DTL: variants seen among roughly 807,000 people sequenced by gnomAD.
The protein encoded by DTL is denticleless protein homolog.
A neutral mutation model predicts 87.0 loss-of-function variants in DTL; 46 were observed. That is an observed-to-expected ratio of 0.53 (90% CI 0.42 to 0.68). DTL has a LOEUF of 0.68. Among genes scored for constraint, DTL ranks in the 30% least tolerant of loss-of-function variants. The pLI is 0.00. For synonymous variants in DTL, 308 were observed against 311.2 expected (o/e 0.99, Z 0.11); for missense variants, 737 against 869.4 (o/e 0.85, Z 1.91).
At chr1:212,049,880 CT>C (rs78685898) in intron 5 of DTL, among the ~76,000 whole-genome samples, 14,952 of 146,240 alleles carry the variant, frequency 0.1, 1,098 homozygotes, top group African/African-American at 0.21. Flanking sequence ...AATATGAATA[CT>C]TTTTTTTTTT....
At chr1:212,047,749 T>G (rs1207941104) in intron 5 of DTL, among the ~76,000 whole-genome samples, 2 of 152,202 alleles carry the variant, frequency 1.3e-5, no homozygotes, top group Non-Finnish European at 2.9e-5. Context: ...TTGGCCAGGC[T>G]GGTCTAGAAC....
intron 14 of DTL, among the ~76,000 whole-genome samples, chr1:212,101,423 G>C (rs898258952): frequency 1.1e-4 from 16 of 152,058 alleles, no homozygotes; most frequent in Admixed American, 1.0e-3. Context: ...CCTTCATCAT[G>C]CTCCAGGATA....
intron 10 of DTL, 148 bp downstream of exon 10, chr1:212,068,851 A>T: frequency 1.8e-6 from 1 of 557,910 alleles, no homozygotes; most frequent in Admixed American, 3.4e-5. Context: ...TGATAATTTC[A>T]TAAGTGTACA....
At chr1:212,043,232 A>G (rs1667707248) in intron 2 of DTL, 114 bp downstream of exon 2, 1 of 1,105,774 alleles carries the variant, frequency 9.0e-7, no homozygotes, top group Non-Finnish European at 1.3e-6. Context: ...GGTGGATGTT[A>G]GAGTTTTTGT....
chr1:212,096,591 A>G (rs1470358568), intron 13 of DTL, among the ~76,000 whole-genome samples: 1 of 152,152 alleles, frequency 6.6e-6, no homozygotes, highest in Admixed American at 6.5e-5. Context: ...CATTCAGTTC[A>G]AAGAATTTTT....
At chr1:212,062,159 A>G (rs890148753) in intron 5 of DTL, among the ~76,000 whole-genome samples, 19 of 152,212 alleles carry the variant, frequency 1.2e-4, no homozygotes, top group Admixed American at 9.8e-4. Context: ...GCATGTTTTC[A>G]TTCAGTTTCC....
At position 212,103,104 on chromosome 1, in the gene DTL, A is replaced by T. The variant is rs2102592119; in HGVS notation, c.*164A>T. 2 of 480,846 alleles carry T rather than the reference A, an allele frequency of 4.2e-6. No individual in the cohort carries two copies. The highest frequency in any genetic ancestry group is 6.9e-5 in the East Asian group (2 of 28,786). The allele number at this position is 480,846 out of a possible 1,614,324, so 29.8% of individuals were successfully genotyped here. ...ATCTTTTCAACGCTGAAATGTACCTAATCTGGTTCTACTACCATAATGTAT... is the reference window on the plus strand; with the variant it reads ...ATCTTTTCAACGCTGAAATGTACCTTATCTGGTTCTACTACCATAATGTAT... On this transcript the variant is annotated 3_prime_UTR_variant, in exon 15 of 15. Coordinates refer to ENST00000366991, the MANE Select transcript of DTL (RefSeq NM_016448.4).
chr1:212,098,950 C>T (rs945253657), intron 13 of DTL, among the ~76,000 whole-genome samples: 6 of 152,166 alleles, frequency 3.9e-5, no homozygotes, highest in African/African-American at 9.7e-5. Flanking sequence ...AATTCACGCT[C>T]AGTTGAAATC....
intron 5 of DTL, 25 bp downstream of exon 5, chr1:212,047,442 A>G: frequency 1.2e-6 from 2 of 1,613,944 alleles, no homozygotes; most frequent in Middle Eastern, 1.7e-4. Flanking sequence ...ATCTTCTTTC[A>G]TCTCCTTAAC....
chr1:212,053,129 T>C (rs1167104621), intron 5 of DTL, among the ~76,000 whole-genome samples: 1 of 152,200 alleles, frequency 6.6e-6, no homozygotes, highest in Non-Finnish European at 1.5e-5. Flanking sequence ...TTCAGTTCTA[T>C]TTTTCTCTCT....
chr1:212,101,004 G>T lies in DTL; in HGVS notation c.2014G>T (p.Ala672Ser), dbSNP rs750273833. 1.2e-5 allele frequency: 20 copies of T among 1,614,050 alleles called. No individual in the cohort carries two copies. The highest frequency in any genetic ancestry group is 1.6e-5 in the Non-Finnish European group (19 of 1,179,988). Residue 672 changes from alanine (A) to serine (S), a missense_variant, in exon 14 of 15, where the codon GCT becomes TCT. Ala to Ser is a moderately conservative substitution (Grantham distance 99). Coordinates refer to ENST00000366991, the MANE Select transcript of DTL (RefSeq NM_016448.4). ...WLLAMAAKRK[A>S]ENPSPRSPSS... ...GTTGGCCATGGCAGCCAAACGGAAGGCTGAGAATCCATCTCCACGAAGTCC... is the reference window on the plus strand; with the variant it reads ...GTTGGCCATGGCAGCCAAACGGAAGTCTGAGAATCCATCTCCACGAAGTCC...
chr1:212,101,097 T>TTAA lies in DTL; in HGVS notation c.2094+13_2094+14insTAA. ...ATTGCCAAGCCCGGTAAGTCAGCAG[T>TTAA]GGTGGGAAGATACATTTCCTAACTT... is the stretch of plus-strand genomic sequence containing the variant. On this transcript the variant is annotated intron_variant, in intron 14 of 14. Coordinates refer to ENST00000366991, the MANE Select transcript of DTL (RefSeq NM_016448.4). 1.9e-6 allele frequency: 3 copies of TTAA among 1,564,396 alleles called. No individual in the cohort carries two copies. Among genetic ancestry groups the TTAA allele is most frequent in the Non-Finnish European group, 2.6e-6 (3 of 1,155,156 alleles).
chr1:212,048,824 A>AT (rs1249997724), intron 5 of DTL, among the ~76,000 whole-genome samples: 3 of 151,522 alleles, frequency 2.0e-5, no homozygotes, highest in Non-Finnish European at 2.9e-5. Flanking sequence ...AAAAAAAAAA[A>AT]GTACTCTGTT....
intron 5 of DTL, among the ~76,000 whole-genome samples, chr1:212,059,640 C>T (rs1668280580): frequency 6.6e-6 from 1 of 152,030 alleles, no homozygotes; most frequent in African/African-American, 2.4e-5. Context: ...TTCACCACTC[C>T]TATTCAACAT....
chr1:212,101,336 G>A (rs957406055), intron 14 of DTL, among the ~76,000 whole-genome samples: 1 of 152,024 alleles, frequency 6.6e-6, no homozygotes, highest in Non-Finnish European at 1.5e-5. Context: ...ATTTTATCTG[G>A]CAACTCTACT....
At chr1:212,054,028 G>A (rs1204056762) in intron 5 of DTL, among the ~76,000 whole-genome samples, 2 of 152,150 alleles carry the variant, frequency 1.3e-5, no homozygotes, top group Non-Finnish European at 2.9e-5. Context: ...AAAAGAGTTG[G>A]TGTTCCTTTT....
chr1:212,051,422 T>G, intron 5 of DTL: 3 of 479,994 alleles, frequency 6.3e-6, no homozygotes, highest in Non-Finnish European at 3.6e-6. Context: ...TCGAAGGACA[T>G]TTTTGTTGGA....
At chr1:212,038,532 T>TA (rs1461844558) in intron 1 of DTL, among the ~76,000 whole-genome samples, 3 of 152,260 alleles carry the variant, frequency 2.0e-5, no homozygotes, top group African/African-American at 7.2e-5. Context: ...AACATTTCGT[T>TA]AAAATCTCTT....
rs2153037 is a variant in DTL at position 212,050,468 on chromosome 1, A to G, written c.460+3051A>G. ...AGTGGATAATTAAAATTGATTATAA[A>G]TTTATTTCCTCTCCTACAAACTTAC... is the stretch of plus-strand genomic sequence containing the variant. On this transcript the variant is annotated intron_variant, in intron 5 of 14. Coordinates refer to ENST00000366991, the MANE Select transcript of DTL (RefSeq NM_016448.4). 6.7e-3 allele frequency among the ~76,000 whole-genome samples: 1,020 copies of G among 152,290 alleles called. 32 individuals are homozygous for G. The East Asian group carries it at 0.072, about 11-fold the overall frequency.
Sources: allele counts gnomAD v4.1 joint callset (sites outside exome capture counted in the v4.1 genomes callset), GRCh38; gene constraint gnomAD v4.1.1; transcripts MANE v1.5; gene names NCBI Gene and HGNC (gene_info 2026-07-23, HGNC 2026-07-21).